Variants in CREB3L2 observed in about 807,000 individuals in gnomAD.
CREB3L2 encodes the protein cyclic AMP-responsive element-binding protein 3-like protein 2.
A neutral mutation model predicts 57.2 loss-of-function variants in CREB3L2; 23 were observed. The ratio of observed to expected loss-of-function variants is 0.40; its 90% CI spans 0.29 to 0.57. The LOEUF (loss-of-function observed/expected upper bound fraction) is 0.57, where lower values mean the gene tolerates loss of function less well. CREB3L2 is among the 20% of genes least tolerant of loss of function. The probability of loss-of-function intolerance (pLI) is 0.42; values close to 1 mark genes in which losing one functional copy is unlikely to be tolerated. For missense variants in CREB3L2, 628 were observed against 634.7 expected (o/e 0.99, Z 0.11); for synonymous variants, 268 against 265.1 (o/e 1.01, Z -0.11).
chr7:137,937,883 T>C (rs1038447008), intron 1 of CREB3L2, among the ~76,000 whole-genome samples: 5 of 149,318 alleles, frequency 3.3e-5, no homozygotes, highest in African/African-American at 1.2e-4. Context: ...AGTATCCAGA[T>C]GAACCTTTTT....
At chr7:137,921,510 G>C (rs1409456846) in intron 2 of CREB3L2, among the ~76,000 whole-genome samples, 2 of 152,132 alleles carry the variant, frequency 1.3e-5, no homozygotes, top group Admixed American at 1.3e-4. Flanking sequence ...GACTGAAAAA[G>C]ACATGAACTC....
chr7:137,990,568 C>G (rs1801874812), intron 1 of CREB3L2, among the ~76,000 whole-genome samples: 1 of 152,128 alleles, frequency 6.6e-6, no homozygotes. Flanking sequence ...GGAGGAAGGA[C>G]CAGCTATGTG....
chr7:137,945,064 T>G (rs1208493789), intron 1 of CREB3L2, among the ~76,000 whole-genome samples: 1 of 151,694 alleles, frequency 6.6e-6, no homozygotes, highest in Non-Finnish European at 1.5e-5. Flanking sequence ...AGCTAATTTT[T>G]GTATTTTTAG....
At chr7:137,920,716 C>T (rs1474445980) in intron 2 of CREB3L2, among the ~76,000 whole-genome samples, 1 of 152,184 alleles carries the variant, frequency 6.6e-6, no homozygotes, top group Non-Finnish European at 1.5e-5. Flanking sequence ...ATTGGCTGAT[C>T]AGACCTACTA....
chr7:137,941,591 C>T (rs1800880207), intron 1 of CREB3L2, among the ~76,000 whole-genome samples: 2 of 152,168 alleles, frequency 1.3e-5, no homozygotes, highest in Non-Finnish European at 2.9e-5. Flanking sequence ...GAGTAAAGGG[C>T]CCCGGTTGGC....
intron 2 of CREB3L2, among the ~76,000 whole-genome samples, chr7:137,916,576 G>A (rs1800137344): frequency 6.6e-6 from 1 of 152,098 alleles, no homozygotes; most frequent in Non-Finnish European, 1.5e-5. Context: ...TAACTAGCTA[G>A]GTGCAGTGGT....
intron 8 of CREB3L2, among the ~76,000 whole-genome samples, chr7:137,893,589 A>T (rs1219963919): frequency 6.6e-6 from 1 of 151,828 alleles, no homozygotes; most frequent in African/African-American, 2.4e-5. Flanking sequence ...ATTAGTGCAA[A>T]CAGACACAGC....
chr7:137,914,407 G>A (rs917591504), intron 3 of CREB3L2, among the ~76,000 whole-genome samples: 5 of 152,052 alleles, frequency 3.3e-5, no homozygotes, highest in South Asian at 2.1e-4. Flanking sequence ...TGAGGTGGGC[G>A]GGTCACTTGA....
At chr7:137,989,401 C>T (rs1801847222) in intron 1 of CREB3L2, among the ~76,000 whole-genome samples, 1 of 150,802 alleles carries the variant, frequency 6.6e-6, no homozygotes, top group Non-Finnish European at 1.5e-5. Context: ...TATTTTGGAG[C>T]CTATGATGGA....
chr7:137,972,932 C>T (rs1034167273), intron 1 of CREB3L2, among the ~76,000 whole-genome samples: 1 of 150,994 alleles, frequency 6.6e-6, no homozygotes, highest in Non-Finnish European at 1.5e-5. Flanking sequence ...AGAATGGACA[C>T]CCTGGTAACA....
chr7:137,912,708 T>C, intron 4 of CREB3L2: 2 of 751,964 alleles, frequency 2.7e-6, no homozygotes, highest in Non-Finnish European at 4.3e-6. Flanking sequence ...GTGTTTGTAG[T>C]AGCAGTCCAT....
Position 137,881,335 on chromosome 7 carries a change from C to T in CREB3L2, c.1488-784G>A, listed in dbSNP as rs145537384. Among the ~76,000 whole-genome samples, 138 of 152,236 alleles carry T rather than the reference C, an allele frequency of 9.1e-4. 2 individuals carry two copies. The East Asian group carries it at 0.02, about 22-fold the overall frequency. On this transcript the variant is annotated intron_variant, in intron 11 of 11. Coordinates refer to ENST00000330387, the MANE Select transcript of CREB3L2 (RefSeq NM_194071.4). ...AAATGCTCCAAAATCTAGAAATTTC[C>T]GAGCATTGACATGACGCTCAAAGGA...
Position 137,879,557 on chromosome 7 carries a change from G to T in CREB3L2, c.*919C>A. 4.2e-6 allele frequency: 1 copy of T among 240,576 alleles called. No individual in the cohort carries two copies. 14.9% of individuals were successfully genotyped at this position (240,576 alleles called of 1,614,324 possible). ...GCTCAAAGGAACTTCTTTTTCAATG[G>T]TAATTATTCCAGTTAAAAGAAAAAA... is the stretch of plus-strand genomic sequence containing the variant. On this transcript the variant is annotated 3_prime_UTR_variant, in exon 12 of 12. Coordinates refer to ENST00000330387, the MANE Select transcript of CREB3L2 (RefSeq NM_194071.4).
chr7:137,997,671 T>G (rs1585685738), intron 1 of CREB3L2, among the ~76,000 whole-genome samples: 1 of 152,246 alleles, frequency 6.6e-6, no homozygotes, highest in African/African-American at 2.4e-5. Context: ...AAGCCTGCAG[T>G]GAGCCATGAT....
At chr7:137,930,288 ATCCTTACT>A (rs1800588004) in intron 1 of CREB3L2, among the ~76,000 whole-genome samples, 1 of 152,216 alleles carries the variant, frequency 6.6e-6, no homozygotes, top group Non-Finnish European at 1.5e-5. Context: ...AATGGGTGTC[ATCCTTACT>A]GATTAAACTT....
At chr7:137,895,956 AG>A (rs1799620661) in intron 8 of CREB3L2, among the ~76,000 whole-genome samples, 2 of 152,238 alleles carry the variant, frequency 1.3e-5, no homozygotes, top group Admixed American at 6.5e-5. Flanking sequence ...AAGCATCAAC[AG>A]GAACACACAC....
intron 1 of CREB3L2, chr7:137,956,584 G>A (rs1801215983): frequency 7.8e-7 from 1 of 1,288,630 alleles, no homozygotes; most frequent in Admixed American, 2.3e-5. Context: ...CATCTTTCAG[G>A]TCCTGGCAAT....
chr7:137,990,803 T>A (rs1050252659), intron 1 of CREB3L2, among the ~76,000 whole-genome samples: 1 of 152,198 alleles, frequency 6.6e-6, no homozygotes, highest in Non-Finnish European at 1.5e-5. Context: ...CAAAAGGAAT[T>A]TCCCTTTAAA....
intron 1 of CREB3L2, among the ~76,000 whole-genome samples, chr7:137,941,757 T>C (rs1040533198): frequency 2.6e-5 from 4 of 152,242 alleles, no homozygotes; most frequent in African/African-American, 9.6e-5. Context: ...CAGAGTTTGA[T>C]GTTTCTCTAT....
Sources: gnomAD v4.1 joint callset for allele counts (sites outside exome capture counted in the v4.1 genomes callset) on GRCh38, gnomAD v4.1.1 for gene constraint, MANE v1.5 for transcripts, NCBI Gene and HGNC (gene_info 2026-07-23, HGNC 2026-07-21) for gene names.